The following PCYOX1 variants were observed in gnomAD, a reference collection of about 807,000 sequenced individuals.
The protein encoded by PCYOX1 is prenylcysteine oxidase 1.
Under a neutral mutation model 46.4 loss-of-function variants are expected in PCYOX1, and 46 were observed. The ratio of observed to expected loss-of-function variants is 0.99; its 90% CI spans 0.78 to 1.27. The LOEUF (loss-of-function observed/expected upper bound fraction) is 1.27, where lower values mean the gene tolerates loss of function less well. Ranked by LOEUF, PCYOX1 falls within the 50% of genes most tolerant of loss-of-function variation. The pLI is 0.00. For synonymous variants in PCYOX1, 220 were observed against 231.8 expected (o/e 0.95, Z 0.46); for missense variants, 658 against 628.3 (o/e 1.05, Z -0.51).
At position 70,262,900 on chromosome 2, in the gene PCYOX1, C is replaced by T. The variant is rs78268964; in HGVS notation, c.494+1514C>T. Among the ~76,000 whole-genome samples the T allele has an allele frequency of 4.6e-5, 7 of 152,170 alleles. No homozygotes were observed. The East Asian group carries it at 1.4e-3, about 29-fold the overall frequency. ...TCTTGAGGGGAAAAACAAAACAAAA[C>T]AAAACATGTCATATGACCAGGTATT... On this transcript the variant is annotated intron_variant, in intron 3 of 5. Transcript: ENST00000433351.
chr2:70,271,305 G>A (rs1270127085), intron 3 of PCYOX1, among the ~76,000 whole-genome samples: 3 of 143,482 alleles, frequency 2.1e-5, no homozygotes, highest in African/African-American at 7.8e-5. Context: ...CAAGTTCTGT[G>A]TTGGCTTCAA....
At chr2:70,260,267 A>AG (rs1397441319) in intron 2 of PCYOX1, among the ~76,000 whole-genome samples, 2 of 151,788 alleles carry the variant, frequency 1.3e-5, no homozygotes, top group Non-Finnish European at 2.9e-5. Flanking sequence ...GGCCATGGCC[A>AG]GGGTCAGTGG....
chr2:70,273,094 G>A (rs569218951), intron 3 of PCYOX1, among the ~76,000 whole-genome samples: 4 of 152,214 alleles, frequency 2.6e-5, no homozygotes, highest in African/African-American at 4.8e-5. Flanking sequence ...CTGCCACCCC[G>A]CCCCCTCCCA....
At chr2:70,261,610 T>G (rs939758627) in intron 3 of PCYOX1, among the ~76,000 whole-genome samples, 19 of 152,216 alleles carry the variant, frequency 1.2e-4, no homozygotes, top group African/African-American at 4.6e-4. Flanking sequence ...TGCAAATGCT[T>G]CTTTAGTGTT....
In PCYOX1 at chr2:70,281,077, A is replaced by G. The variant is rs936712835; in HGVS notation, c.*3685A>G. The stretch of plus-strand genomic sequence containing the variant: ...CACTACCCCTCTCTACTCACTCACA[A>G]AGAACCATGATACACTGGAATGTTT... On this transcript the variant is annotated 3_prime_UTR_variant, in exon 6 of 6. Transcript: ENST00000433351. 6.6e-6 allele frequency: 1 copy of G among 152,208 alleles called. No homozygotes were observed. Among genetic ancestry groups the G allele is most frequent in the Admixed American group, 6.5e-5 (1 of 15,270 alleles). The allele number at this position is 152,208 out of a possible 1,614,324, so 9.4% of individuals were successfully genotyped here.
At chr2:70,259,293 A>G in intron 1 of PCYOX1, 67 bp from the exon 2 acceptor site, 2 of 1,459,448 alleles carry the variant, frequency 1.4e-6, no homozygotes, top group Non-Finnish European at 1.9e-6. Context: ...ATGGTCTTTC[A>G]AAAACAAAAC....
At chr2:70,258,607 T>G in intron 1 of PCYOX1, 1 of 249,780 alleles carries the variant, frequency 4.0e-6, no homozygotes, top group Non-Finnish European at 7.7e-6. Context: ...TTCTCTATCT[T>G]CCCGTTGAAC....
At chr2:70,266,684 C>T (rs1696528131) in intron 3 of PCYOX1, among the ~76,000 whole-genome samples, 2 of 152,018 alleles carry the variant, frequency 1.3e-5, no homozygotes, top group African/African-American at 4.8e-5. Context: ...AGTATGCTGC[C>T]TTCAAGCATC....
intron 2 of PCYOX1, among the ~76,000 whole-genome samples, chr2:70,260,078 G>A (rs1044315150): frequency 6.6e-6 from 1 of 152,176 alleles, no homozygotes; most frequent in Non-Finnish European, 1.5e-5. Flanking sequence ...GCCTTCCAAA[G>A]TGCTGGGATT....
At position 70,259,366 on chromosome 2, in the gene PCYOX1, T is replaced by C. The variant is rs757483754; in HGVS notation, c.119T>C (p.Ile40Thr). 3.1e-5 allele frequency: 50 copies of C among 1,613,686 alleles called. No homozygotes were observed. Among genetic ancestry groups the C allele is most frequent in the Non-Finnish European group, 4.1e-5 (48 of 1,179,736 alleles). The change falls in exon 2 of 6, where the codon ATT becomes ACT. Residue 40 changes from isoleucine (I) to threonine (T), a missense_variant. Transcript: ENST00000433351. ...LRAPPDKIAI[I>T]GAGIGGTSAA... ...CTGTTTTTTTCCCTCATAGCGATTATTGGAGCCGGAATTGGTGGCACTTCA... is the reference window on the plus strand; with the variant it reads ...CTGTTTTTTTCCCTCATAGCGATTACTGGAGCCGGAATTGGTGGCACTTCA...
At chr2:70,275,397 G>A (rs1193314860) in intron 4 of PCYOX1, 117 bp from the exon 5 acceptor site, 19 of 1,107,810 alleles carry the variant, frequency 1.7e-5, no homozygotes, top group Non-Finnish European at 2.2e-5. Context: ...GCTCCCAGGG[G>A]CCATTTAGCA....
chr2:70,258,294 G>GGC lies in PCYOX1; in HGVS notation c.112+22_112+23dup. 5.9e-6 allele frequency: 9 copies of GGC among 1,527,032 alleles called. No homozygotes were observed. The highest frequency in any genetic ancestry group is 7.9e-6 in the Non-Finnish European group (9 of 1,132,852). 94.6% of individuals were successfully genotyped at this position (1,527,032 alleles called of 1,614,324 possible). A position where few individuals can be genotyped will look rare whatever the true frequency, so the allele number is the denominator to read the frequency against. The stretch of plus-strand genomic sequence containing the variant: ...TAAAATCGGTAGGCGAGAAGGGGGC[G>GGC]GCGCGGGAAGGTGCTGGAGCGCGCC... On this transcript the variant is annotated intron_variant, in intron 1 of 5. Transcript: ENST00000433351.
In PCYOX1 at chr2:70,278,496, GCA is replaced by G. The variant is rs1350698376; in HGVS notation, c.*1107_*1108del. The G allele has an allele frequency of 2.0e-5, 3 of 152,464 alleles. No individual in the cohort carries two copies. Among genetic ancestry groups the G allele is most frequent in the African/African-American group, 7.2e-5 (3 of 41,430 alleles). 9.4% of individuals were successfully genotyped at this position (152,464 alleles called of 1,614,324 possible). ...ACTTTAGAAGTAATCTTGATAATAA[GCA>G]CAGACAGCCTAACAGCAGAGGCAAC... On this transcript the variant is annotated 3_prime_UTR_variant, in exon 6 of 6. Coordinates refer to ENST00000433351, the MANE Select transcript of PCYOX1 (RefSeq NM_016297.4).
intron 3 of PCYOX1, among the ~76,000 whole-genome samples, chr2:70,269,970 T>A (rs1348011035): frequency 6.6e-6 from 1 of 152,076 alleles, no homozygotes; most frequent in African/African-American, 2.4e-5. Context: ...TTTTATTTTT[T>A]ATTTTTTTTT....
rs1481436080 is a variant in PCYOX1 at position 70,279,375 on chromosome 2, A to G, written c.*1983A>G. ...TCCTTTTGTGGTTTTAATGAAGACA[A>G]TTTGTAAAGTAATACTGTTATGTAT... On this transcript the variant is annotated 3_prime_UTR_variant, in exon 6 of 6. Transcript: ENST00000433351. 6.6e-6 allele frequency: 1 copy of G among 152,248 alleles called. No individual in the cohort carries two copies. The highest frequency in any genetic ancestry group is 2.4e-5 in the African/African-American group (1 of 41,466). 9.4% of individuals were successfully genotyped at this position (152,248 alleles called of 1,614,324 possible).
chr2:70,270,261 G>T (rs1696584694), intron 3 of PCYOX1, among the ~76,000 whole-genome samples: 1 of 152,188 alleles, frequency 6.6e-6, no homozygotes, highest in Non-Finnish European at 1.5e-5. Context: ...TTCCCAGAGT[G>T]CTGGGATTAC....
At chr2:70,272,125 ATTTT>A (rs553647193) in intron 3 of PCYOX1, among the ~76,000 whole-genome samples, 2 of 133,648 alleles carry the variant, frequency 1.5e-5, no homozygotes, top group Non-Finnish European at 1.6e-5. Context: ...CTAATTTTTA[ATTTT>A]TTTTTTTTTT....
Position 70,280,307 on chromosome 2 carries a change from T to C in PCYOX1, c.*2915T>C, listed in dbSNP as rs1378906867. On this transcript the variant is annotated 3_prime_UTR_variant, in exon 6 of 6. Coordinates refer to ENST00000433351, the MANE Select transcript of PCYOX1 (RefSeq NM_016297.4). ...GGCGCATTAGGTAGTTTTATGCAAC[T>C]ATAGTATTAAGAGTTTTATTGGAAG... 6.6e-6 allele frequency: 1 copy of C among 152,158 alleles called. No homozygotes were observed. Among genetic ancestry groups the C allele is most frequent in the Non-Finnish European group, 1.5e-5 (1 of 68,024 alleles). 9.4% of individuals were successfully genotyped at this position (152,158 alleles called of 1,614,324 possible).
intron 3 of PCYOX1, chr2:70,274,685 T>G: frequency 2.7e-6 from 1 of 367,148 alleles, no homozygotes; most frequent in Non-Finnish European, 5.2e-6. Flanking sequence ...TGCCTCAGCC[T>G]CCCAAGTAGC....
Sources: gnomAD v4.1 joint callset for allele counts (sites outside exome capture counted in the v4.1 genomes callset) on GRCh38, gnomAD v4.1.1 for gene constraint, MANE v1.5 for transcripts, NCBI Gene and HGNC (gene_info 2026-07-23, HGNC 2026-07-21) for gene names.